The following CPNE7 variants were observed in gnomAD, a reference collection of about 807,000 sequenced individuals.
CPNE7 encodes copine-7.
A neutral mutation model predicts 66.5 loss-of-function variants in CPNE7; 78 were observed. The observed-to-expected ratio is 1.17, with a 90% CI of 0.98 to 1.42. The LOEUF (loss-of-function observed/expected upper bound fraction) is 1.42. Among genes scored for constraint, CPNE7 ranks in the 40% most tolerant of loss-of-function variants. The pLI is 0.00. For missense variants in CPNE7, 1,012 were observed against 776.6 expected, an observed-to-expected ratio of 1.30 and a Z score of -3.60; for synonymous variants, 468 against 336.7, an observed-to-expected ratio of 1.39 and a Z score of -4.27.
intron 2 of CPNE7, chr16:89,578,935 C>A (rs778371454): frequency 6.2e-7 from 1 of 1,613,672 alleles, no homozygotes; most frequent in Non-Finnish European, 8.5e-7. Context: ...CTGCGCTAAG[C>A]ACTTCCTGTG....
chr16:89,594,423 G>C (rs1442922688), intron 13 of CPNE7, among the ~76,000 whole-genome samples: 1 of 151,986 alleles, frequency 6.6e-6, no homozygotes, highest in Non-Finnish European at 1.5e-5. Context: ...ACTCTGAGTG[G>C]GGTCCTGGGG....
chr16:89,588,878 C>A (rs1225973994), intron 10 of CPNE7, 70 bp downstream of exon 10: 1 of 1,566,568 alleles, frequency 6.4e-7, no homozygotes, highest in Non-Finnish European at 8.7e-7. Context: ...TGGCCGTCTT[C>A]CCCCTCACCC....
chr16:89,593,661 C>G (rs748065251), intron 13 of CPNE7, among the ~76,000 whole-genome samples: 1 of 152,326 alleles, frequency 6.6e-6, no homozygotes, highest in Non-Finnish European at 1.5e-5. Flanking sequence ...CTACCTCTTA[C>G]TATTTCAGTG....
At position 89,586,544 on chromosome 16, in the gene CPNE7, G is replaced by GCCCTC. The variant is rs563131504; in HGVS notation, c.781-112_781-108dup. The GCCCTC allele has an allele frequency of 2.1e-3, 1,515 of 713,898 alleles. 18 individuals are homozygous for GCCCTC. Among genetic ancestry groups the GCCCTC allele is most frequent in the African/African-American group, 0.021 (1,178 of 56,656 alleles). The allele number at this position is 713,898 out of a possible 1,614,324, so 44.2% of individuals were successfully genotyped here. On this transcript the variant is annotated intron_variant, in intron 7 of 14. Coordinates refer to ENST00000319518, the MANE Select transcript of CPNE7 (RefSeq NM_153636.3). ...CCCCTTCCTGCTGCCCTGCAGCAGT[G>GCCCTC]CCCTCCCCTCCCCTCCCCACCACGG...
intron 2 of CPNE7, among the ~76,000 whole-genome samples, 154 bp downstream of exon 2, chr16:89,577,875 T>G (rs150570411): frequency 6.6e-6 from 1 of 152,256 alleles, no homozygotes; most frequent in African/African-American, 2.4e-5. Flanking sequence ...ATTATTAGAT[T>G]AAAATATACA....
chr16:89,583,264 G>A (rs2058982629), intron 2 of CPNE7, among the ~76,000 whole-genome samples: 1 of 152,124 alleles, frequency 6.6e-6, no homozygotes, highest in Admixed American at 6.5e-5. Flanking sequence ...GTGAGGGTCC[G>A]GGGCCGTTTG....
intron 2 of CPNE7, among the ~76,000 whole-genome samples, chr16:89,580,309 G>A (rs551553824): frequency 2.4e-5 from 3 of 124,208 alleles, no homozygotes; most frequent in African/African-American, 9.9e-5. Flanking sequence ...CCCGTCACCC[G>A]CTGACACAGA....
At position 89,596,789 on chromosome 16, in the gene CPNE7, G is replaced by A; in HGVS notation, c.*168G>A. The A allele has an allele frequency of 1.1e-6, 1 of 930,252 alleles. No individual in the cohort carries two copies. Among genetic ancestry groups the A allele is most frequent in the South Asian group, 2.5e-5 (1 of 40,050 alleles). 57.6% of individuals were successfully genotyped at this position (930,252 alleles called of 1,614,324 possible). A position where few individuals can be genotyped will look rare whatever the true frequency, so the allele number is the denominator to read the frequency against. On this transcript the variant is annotated 3_prime_UTR_variant, in exon 15 of 15. Transcript: ENST00000319518. ...ATCCTGCTGGCTTGGGCCCGGCTCT[G>A]GGGCCCCCAAGGCCGAAGGGTGACA... is the stretch of plus-strand genomic sequence containing the variant.
At position 89,591,222 on chromosome 16, in the gene CPNE7, C is replaced by G. The variant is rs377056293; in HGVS notation, c.1264C>G (p.Arg422Gly). 43 of 1,588,034 alleles carry G rather than the reference C, an allele frequency of 2.7e-5. No individual in the cohort carries two copies. Among genetic ancestry groups the G allele is most frequent in the Non-Finnish European group, 3.3e-5 (39 of 1,167,312 alleles). ...NVAPIISKVARVAAAEESTGK... is the reference protein window; with the variant it reads ...NVAPIISKVAGVAAAEESTGK... ...GGCGCCCATCATCTCCAAGGTGGCA[C>G]GCGTGGCGGCGGCCGAGGAGAGCAC... Residue 422 changes from arginine (R) to glycine (G), a missense_variant, in exon 13 of 15, where the codon CGC becomes GGC. Transcript: ENST00000319518.
At chr16:89,586,532 C>T (rs533715438) in intron 7 of CPNE7, 138 bp from the exon 8 acceptor site, 62 of 661,384 alleles carry the variant, frequency 9.4e-5, no homozygotes, top group Non-Finnish European at 1.5e-4. Context: ...CTTCCTGCTG[C>T]CCTGCAGCAG....
chr16:89,589,879 C>T lies in CPNE7; in HGVS notation c.1062-18C>T. On this transcript the variant is annotated intron_variant, in intron 10 of 14. Coordinates refer to ENST00000319518, the MANE Select transcript of CPNE7 (RefSeq NM_153636.3). ...CAAGAGGTCAGGGCCTCCTGGTGACCTCCTGCCTCTCTTCCAGTGACAAGA... is the reference window on the plus strand; with the variant it reads ...CAAGAGGTCAGGGCCTCCTGGTGACTTCCTGCCTCTCTTCCAGTGACAAGA... The T allele has an allele frequency of 1.2e-6, 2 of 1,613,490 alleles. No homozygotes were observed. The highest frequency in any genetic ancestry group is 8.5e-7 in the Non-Finnish European group (1 of 1,179,874).
chr16:89,591,979 G>A (rs1407052908), intron 13 of CPNE7, among the ~76,000 whole-genome samples: 11 of 150,084 alleles, frequency 7.3e-5, no homozygotes, highest in East Asian at 1.9e-4. Flanking sequence ...GATTACAGGC[G>A]TGAGCCACCG....
At chr16:89,586,046 A>AGGGAGGGGCAGGTGAGGGGGGCCTCTG (rs371066549) in intron 7 of CPNE7, among the ~76,000 whole-genome samples, 1 of 29,942 alleles carries the variant, frequency 3.3e-5, no homozygotes, top group African/African-American at 1.8e-4. Context: ...GGGGGCATTC[A>AGGGAGGGGCAGGTGAGGGGGGCCTCTG]GGGAGGGGCA....
At chr16:89,586,486 C>A (rs983938249) in intron 7 of CPNE7, among the ~76,000 whole-genome samples, 184 bp from the exon 8 acceptor site, 3 of 151,862 alleles carry the variant, frequency 2.0e-5, no homozygotes, top group Admixed American at 6.6e-5. Context: ...GATGCAACTC[C>A]CATCCCTCTT....
Position 89,575,769 on chromosome 16 carries a change from C to T in CPNE7, c.-129C>T. ...CGGCCGCCCGAGCCACGTGCGCCCG[C>T]GCCCGGCAGGCGTTCAGGGAAGCGC... On this transcript the variant is annotated 5_prime_UTR_variant, in exon 1 of 15. Coordinates refer to ENST00000319518, the MANE Select transcript of CPNE7 (RefSeq NM_153636.3). 1.6e-6 allele frequency: 1 copy of T among 645,038 alleles called. No individual in the cohort carries two copies. The highest frequency in any genetic ancestry group is 1.9e-6 in the Non-Finnish European group (1 of 516,580). 40.0% of individuals were successfully genotyped at this position (645,038 alleles called of 1,614,324 possible).
At chr16:89,581,883 G>A (rs62068675) in intron 2 of CPNE7, among the ~76,000 whole-genome samples, 9,285 of 152,258 alleles carry the variant, frequency 0.061, 481 homozygotes, top group Admixed American at 0.11. Flanking sequence ...CGGGCTCACC[G>A]ATCCACCCAC....
At chr16:89,585,966 G>C (rs71374182) in intron 7 of CPNE7, among the ~76,000 whole-genome samples, 181 bp downstream of exon 7, 23,114 of 107,478 alleles carry the variant, frequency 0.22, 2,801 homozygotes, top group South Asian at 0.33. Context: ...CTGGGGAGGA[G>C]CAGGTTGGGG....
At chr16:89,593,454 G>A (rs565747393) in intron 13 of CPNE7, among the ~76,000 whole-genome samples, 52 of 151,678 alleles carry the variant, frequency 3.4e-4, no homozygotes, top group Non-Finnish European at 1.8e-4. Flanking sequence ...CCGGGTTCAC[G>A]CCATTCTCCT....
At chr16:89,582,834 C>G (rs1005658639) in intron 2 of CPNE7, among the ~76,000 whole-genome samples, 1 of 152,268 alleles carries the variant, frequency 6.6e-6, no homozygotes, top group Non-Finnish European at 1.5e-5. Context: ...GTGGGAAGCA[C>G]ACACCTGCTA....
Sources: allele counts gnomAD v4.1 joint callset (sites outside exome capture counted in the v4.1 genomes callset), GRCh38; gene constraint gnomAD v4.1.1; transcripts MANE v1.5; gene names NCBI Gene and HGNC (gene_info 2026-07-23, HGNC 2026-07-21).